Variants in VASP observed in about 807,000 individuals in gnomAD.
The protein encoded by VASP is vasodilator stimulated phosphoprotein, also known as vasodilator-stimulated phosphoprotein.
Under a neutral mutation model 54.4 loss-of-function variants are expected in VASP, and 27 were observed. That is an observed-to-expected ratio of 0.50 (90% CI 0.37 to 0.68). The LOEUF is 0.68. VASP is among the 30% of genes least tolerant of loss of function. The probability of loss-of-function intolerance (pLI) is 0.00; values close to 1 mark genes in which losing one functional copy is unlikely to be tolerated. For missense variants in VASP, 488 were observed against 528.3 expected (o/e 0.92, Z 0.75); for synonymous variants, 233 against 209.8 (o/e 1.11, Z -0.96).
Position 45,525,990 on chromosome 19 carries a change from G to C in VASP, c.1092G>C (p.Glu364Asp), listed in dbSNP as rs1361900613. The C allele has an allele frequency of 6.2e-7, 1 of 1,614,022 alleles. No homozygotes were observed. Among genetic ancestry groups the C allele is most frequent in the South Asian group, 1.1e-5 (1 of 91,060 alleles). ...EVKKELQKVKEEIIEAFVQEL... is the reference protein window; with the variant it reads ...EVKKELQKVKDEIIEAFVQEL... ...AGAAGGAATTGCAGAAAGTGAAAGA[G>C]GAAATCATTGAAGGTGAGGTGGTTT... Residue 364 changes from glutamate (E) to aspartate (D), a missense_variant, in exon 12 of 13, where the codon GAG becomes GAC. By Grantham distance (45) the Glu-to-Asp change is conservative. This residue lies in a region of VASP where 126 missense variants were observed against 134.8 expected (regional missense o/e 0.94). Transcript: ENST00000245932.
chr19:45,521,892 G>A (rs935606735), intron 4 of VASP, among the ~76,000 whole-genome samples: 5 of 150,696 alleles, frequency 3.3e-5, no homozygotes, highest in Non-Finnish European at 7.4e-5. Context: ...AAAAAAAAAA[G>A]AAAAGAAAGA....
intron 1 of VASP, among the ~76,000 whole-genome samples, chr19:45,509,593 G>A (rs924262570): frequency 3.0e-4 from 45 of 152,344 alleles, no homozygotes; most frequent in South Asian, 1.2e-3. Context: ...TGCTGTGGTG[G>A]TGGCCAAGCA....
intron 1 of VASP, among the ~76,000 whole-genome samples, chr19:45,517,252 A>G (rs892124542): frequency 1.3e-5 from 2 of 151,856 alleles, no homozygotes; most frequent in Non-Finnish European, 2.9e-5. Context: ...CTCAACCTCC[A>G]AAGTGCTGGG....
chr19:45,526,333 CT>C lies in VASP; in HGVS notation c.*158del. 1 of 890,168 alleles carries C rather than the reference CT, an allele frequency of 1.1e-6. No individual in the cohort carries two copies. The highest frequency in any genetic ancestry group is 1.6e-6 in the Non-Finnish European group (1 of 615,998). 55.1% of individuals were successfully genotyped at this position (890,168 alleles called of 1,614,324 possible). A position where few individuals can be genotyped will look rare whatever the true frequency, so the allele number is the denominator to read the frequency against. On this transcript the variant is annotated 3_prime_UTR_variant, in exon 13 of 13. Coordinates refer to ENST00000245932, the MANE Select transcript of VASP (RefSeq NM_003370.4). ...CTTGGAAAACTCCAAGGGGGTGTGG[CT>C]TCCCTGCTCACACCCACACTGGCTG...
At chr19:45,512,044 G>A (rs909829786) in intron 1 of VASP, among the ~76,000 whole-genome samples, 1 of 152,128 alleles carries the variant, frequency 6.6e-6, no homozygotes, top group East Asian at 1.9e-4. Flanking sequence ...GTGGAGGCTG[G>A]GAGGCTGAGG....
Position 45,522,738 on chromosome 19 carries a change from G to C in VASP, c.741G>C (p.Gly247=), listed in dbSNP as rs200020924. The change falls in exon 7 of 13, where the codon GGG becomes GGC. Residue 247 remains glycine, a synonymous_variant. Coordinates refer to ENST00000245932, the MANE Select transcript of VASP (RefSeq NM_003370.4). Reference sequence around the variant, plus strand: ...TCCAGCAGGAGGAGGCCTCAGGGGGGCCCACAGCCCCCAAAGCTGAGAGTG... The same window carrying C: ...TCCAGCAGGAGGAGGCCTCAGGGGGCCCCACAGCCCCCAAAGCTGAGAGTG... ...KVSKQEEASG[G]PTAPKAESGR... The C allele has an allele frequency of 6.9e-6, 11 of 1,603,106 alleles. No homozygotes were observed. The East Asian group carries it at 2.0e-4, about 29-fold the overall frequency.
At position 45,522,392 on chromosome 19, in the gene VASP, CCCT is replaced by C; in HGVS notation, c.537_539del (p.Pro180del). On this transcript the variant is annotated inframe_deletion, in exon 6 of 13. Transcript: ENST00000245932. ...GTCCACCCCCACCACCAGGACCTCC[CCCT>C]CCTCCAGGTCCCCCCCCACCCCCAG... The C allele has an allele frequency of 6.5e-7, 1 of 1,536,306 alleles. No homozygotes were observed.
In VASP at chr19:45,524,652, G is replaced by T. The variant is rs953396627; in HGVS notation, c.1039G>T (p.Val347Leu). Reference protein sequence around the residue: ...SSSDYSDLQRVKQELLEEVKK... With the variant: ...SSSDYSDLQRLKQELLEEVKK... ...CAGTGATTACTCGGACCTACAGAGG[G>T]TGAAACAGGTAACTTGGGGGGGAAG... The change falls in exon 11 of 13, where the codon GTG (valine) becomes TTG (leucine). Residue 347 changes from valine to leucine, a missense_variant. By Grantham distance (32) the Val-to-Leu change is conservative. Coordinates refer to ENST00000245932, the MANE Select transcript of VASP (RefSeq NM_003370.4). 5.6e-6 allele frequency: 9 copies of T among 1,613,848 alleles called. No homozygotes were observed. The highest frequency in any genetic ancestry group is 1.3e-5 in the African/African-American group (1 of 75,000).
Position 45,507,793 on chromosome 19 carries a change from C to T in VASP, c.5+17C>T, listed in dbSNP as rs1359213060. 1.4e-6 allele frequency: 2 copies of T among 1,424,456 alleles called. No individual in the cohort carries two copies. The highest frequency in any genetic ancestry group is 1.4e-5 in the South Asian group (1 of 69,160). The allele number at this position is 1,424,456 out of a possible 1,614,324, so 88.2% of individuals were successfully genotyped here. On this transcript the variant is annotated intron_variant, in intron 1 of 12. Transcript: ENST00000245932. This position sits in a 1 kb window ranked among gnomAD's most constrained non-coding sequence, Gnocchi z 4.4. The stretch of plus-strand genomic sequence containing the variant: ...AGCCATGAGGTGAGCCGGACCTGCC[C>T]CCCGACCCGTCCCCGCCCGGGCGGG...
At chr19:45,512,325 G>A (rs1193313140) in intron 1 of VASP, among the ~76,000 whole-genome samples, 2 of 150,072 alleles carry the variant, frequency 1.3e-5, no homozygotes, top group Non-Finnish European at 3.0e-5. Flanking sequence ...GTCTTGCTCT[G>A]TCGCCCAGGC....
At chr19:45,525,695 C>CAA (rs546240891) in intron 11 of VASP, 73 of 321,602 alleles carry the variant, frequency 2.3e-4, no homozygotes, top group Middle Eastern at 8.7e-4. Context: ...GACTCTGTTT[C>CAA]AAAAAAAAAA....
intron 1 of VASP, among the ~76,000 whole-genome samples, chr19:45,511,237 TGAAGG>T (rs145905252): frequency 8.5e-4 from 130 of 152,064 alleles, no homozygotes; most frequent in Non-Finnish European, 1.5e-3. Context: ...CAGGGGACAG[TGAAGG>T]GAAGGGTAAG....
chr19:45,525,044 A>C, intron 11 of VASP: 1 of 205,868 alleles, frequency 4.9e-6, no homozygotes, highest in Non-Finnish European at 1.0e-5. Flanking sequence ...TCACTCTGCG[A>C]CCTTGACAGC....
rs560657846 is a variant in VASP at position 45,524,435 on chromosome 19, A to C, written c.957-135A>C. ...AACAAACCAAAACCAAAAAAAAAAA[A>C]AACTGGGGCCCCAAAAATACTTGGA... On this transcript the variant is annotated intron_variant, in intron 10 of 12. Coordinates refer to ENST00000245932, the MANE Select transcript of VASP (RefSeq NM_003370.4). The C allele has an allele frequency of 6.7e-5, 59 of 885,740 alleles. No homozygotes were observed. In the African/African-American group the frequency reaches 9.0e-4, roughly 14 times the overall value. 54.9% of individuals were successfully genotyped at this position (885,740 alleles called of 1,614,324 possible). A position where few individuals can be genotyped will look rare whatever the true frequency, so the allele number is the denominator to read the frequency against.
chr19:45,509,248 T>C (rs1007417112), intron 1 of VASP, among the ~76,000 whole-genome samples: 1 of 152,166 alleles, frequency 6.6e-6, no homozygotes, highest in Non-Finnish European at 1.5e-5. Context: ...CCCTCAAGAC[T>C]TCCTGCCTAT....
At chr19:45,526,085 G>A in intron 12 of VASP, 55 bp from the exon 13 acceptor site, 1 of 1,613,566 alleles carries the variant, frequency 6.2e-7, no homozygotes, top group South Asian at 1.1e-5. Context: ...GCCCTGTTTT[G>A]GAAGGGAGGA....
Position 45,524,354 on chromosome 19 carries a change from A to G in VASP, c.956+212A>G, listed in dbSNP as rs1968913127. ...GAAGTTGAGGCCTCAGCGAGCCATC[A>G]TCATGCCTGCACTCCAGCCTGAGAA... On this transcript the variant is annotated intron_variant, in intron 10 of 12. Transcript: ENST00000245932. 4.4e-6 allele frequency: 3 copies of G among 682,480 alleles called. No homozygotes were observed. The East Asian group carries it at 8.1e-5, about 19-fold the overall frequency. The allele number at this position is 682,480 out of a possible 1,614,324, so 42.3% of individuals were successfully genotyped here. A position where few individuals can be genotyped will look rare whatever the true frequency, so the allele number is the denominator to read the frequency against.
At chr19:45,515,833 C>G (rs149573380) in intron 1 of VASP, among the ~76,000 whole-genome samples, 1 of 152,176 alleles carries the variant, frequency 6.6e-6, no homozygotes, top group African/African-American at 2.4e-5. Flanking sequence ...CCACCACACC[C>G]GGCTGTACCA....
chr19:45,523,518 C>T, intron 7 of VASP, 126 bp from the exon 8 acceptor site: 1 of 1,097,782 alleles, frequency 9.1e-7, no homozygotes, highest in African/African-American at 1.6e-5. Flanking sequence ...ATTTCTAAAA[C>T]TAGAGTTTCC....
Sources: allele counts gnomAD v4.1 joint callset (sites outside exome capture counted in the v4.1 genomes callset), GRCh38; gene constraint gnomAD v4.1.1; regional missense constraint gnomAD v4.1.1; non-coding constraint Gnocchi (gnomAD v3.1); transcripts MANE v1.5; gene names NCBI Gene and HGNC (gene_info 2026-07-23, HGNC 2026-07-21).